The following COBL variants were observed in gnomAD, a reference collection of about 807,000 sequenced individuals.
COBL encodes the protein cordon-bleu WH2 repeat protein.
A neutral mutation model predicts 98.8 loss-of-function variants in COBL; 51 were observed. The ratio of observed to expected loss-of-function variants is 0.52; its 90% CI spans 0.41 to 0.65. COBL has a LOEUF of 0.65. Ranked by LOEUF, COBL falls within the 30% of genes least tolerant of loss-of-function variation. COBL has a pLI of 0.00. For missense variants in COBL, 1,617 were observed against 1,617.5 expected, an observed-to-expected ratio of 1.00 and a Z score of 0.01; for synonymous variants, 634 against 651.7, an observed-to-expected ratio of 0.97 and a Z score of 0.41.
At chr7:51,246,764 C>T (rs1234120956) in intron 1 of COBL, among the ~76,000 whole-genome samples, 2 of 152,226 alleles carry the variant, frequency 1.3e-5, no homozygotes, top group Non-Finnish European at 2.9e-5. Flanking sequence ...GTCATACTTG[C>T]AGACTTCTTC....
chr7:51,215,503 A>T (rs1792945890), intron 2 of COBL, among the ~76,000 whole-genome samples: 1 of 152,212 alleles, frequency 6.6e-6, no homozygotes, highest in Admixed American at 6.5e-5. Flanking sequence ...ATACCCACTG[A>T]ACATACCAAG....
At chr7:51,132,692 A>G (rs554570214) in intron 6 of COBL, among the ~76,000 whole-genome samples, 1 of 152,326 alleles carries the variant, frequency 6.6e-6, no homozygotes, top group African/African-American at 2.4e-5. Flanking sequence ...TAATTGGCTC[A>G]TGGTTCCATA....
At chr7:51,246,499 T>C (rs1796278929) in intron 1 of COBL, among the ~76,000 whole-genome samples, 2 of 152,158 alleles carry the variant, frequency 1.3e-5, no homozygotes, top group South Asian at 4.1e-4. Context: ...AGCCCAGCCC[T>C]GACCTTGTCC....
chr7:51,047,497 C>T (rs1789830693), intron 7 of COBL, among the ~76,000 whole-genome samples: 2 of 152,298 alleles, frequency 1.3e-5, no homozygotes, highest in South Asian at 4.1e-4. Flanking sequence ...AAGATAATTC[C>T]ATCACTAAAT....
chr7:51,238,020 G>T (rs950090705), intron 1 of COBL, among the ~76,000 whole-genome samples: 1 of 152,184 alleles, frequency 6.6e-6, no homozygotes, highest in Non-Finnish European at 1.5e-5. Flanking sequence ...TACCAAAGGG[G>T]AACGAAGAAG....
At chr7:51,108,958 C>CACACACACACACACACACACACACA (rs1562923478) in intron 6 of COBL, among the ~76,000 whole-genome samples, 44 of 84,028 alleles carry the variant, frequency 5.2e-4, no homozygotes, top group Non-Finnish European at 8.8e-4. Flanking sequence ...ACACACACAC[C>CACACACACACACACACACACACACA]CCCTGCCCCA....
chr7:51,249,790 G>T (rs1049103865), intron 1 of COBL, among the ~76,000 whole-genome samples: 1 of 152,174 alleles, frequency 6.6e-6, no homozygotes, highest in Non-Finnish European at 1.5e-5. Context: ...TGCAGAGCTG[G>T]CTGTGAAAAC....
intron 5 of COBL, among the ~76,000 whole-genome samples, chr7:51,164,217 G>C (rs1481490723): frequency 6.6e-6 from 1 of 151,896 alleles, no homozygotes; most frequent in African/African-American, 2.4e-5. Context: ...GTATTGAAAA[G>C]GATAATATCA....
intron 4 of COBL, among the ~76,000 whole-genome samples, chr7:51,190,364 A>G (rs994235399): frequency 7.9e-5 from 12 of 152,056 alleles, no homozygotes; most frequent in African/African-American, 2.9e-4. Flanking sequence ...ATGGGGATGC[A>G]CCACCACGTC....
At chr7:51,147,638 G>C (rs183700272) in intron 5 of COBL, among the ~76,000 whole-genome samples, 12 of 152,268 alleles carry the variant, frequency 7.9e-5, no homozygotes, top group Non-Finnish European at 1.5e-4. Context: ...CTCCAAATAA[G>C]GAAGAGGAAT....
rs757322624 is a variant in COBL, at chr7:51,085,202, T to C, written c.1060A>G (p.Thr354Ala). 1.2e-6 allele frequency: 2 copies of C among 1,613,686 alleles called. No individual in the cohort carries two copies. The highest frequency in any genetic ancestry group is 4.5e-5 in the East Asian group (2 of 44,852). Residue 354 changes from threonine to alanine, a missense_variant, in exon 7 of 13, where the codon ACT becomes GCT. Physicochemically the swap from Thr to Ala is moderately conservative, Grantham distance 58. Transcript: ENST00000265136. ...PPPSPLIPNR[T>A]EDKEENRKST... ...TTCCTGTTCTCCTCCTTATCCTCAG[T>C]GCGGTTGGGGATCAGGGGACTCGGT...
At chr7:51,306,719 T>A (rs777748777) in intron 1 of COBL, among the ~76,000 whole-genome samples, 8 of 152,124 alleles carry the variant, frequency 5.3e-5, no homozygotes, top group Non-Finnish European at 1.2e-4. Flanking sequence ...AAATCCCACG[T>A]AGGAGTCTCA....
chr7:51,040,327 C>T (rs1053279688), intron 8 of COBL, among the ~76,000 whole-genome samples: 2 of 152,010 alleles, frequency 1.3e-5, no homozygotes, highest in African/African-American at 4.8e-5. Flanking sequence ...TCAATCCCAA[C>T]TCTTTGGCAA....
chr7:51,047,333 A>C (rs1789811950), intron 7 of COBL, among the ~76,000 whole-genome samples: 1 of 152,158 alleles, frequency 6.6e-6, no homozygotes, highest in Admixed American at 6.5e-5. Context: ...ATATAATCCC[A>C]TGGTTCAGAG....
At position 51,026,893 on chromosome 7, in the gene COBL, G is replaced by A. The variant is rs1451455254; in HGVS notation, c.3385-228C>T. On this transcript the variant is annotated intron_variant, in intron 10 of 12. Transcript: ENST00000265136. ...AGCCTGGGCCACAGAGTGAGTCTCC[G>A]TCTCAGGAAAAAAAAAGAAAGAAAA... Among the ~76,000 whole-genome samples, 5 of 152,006 alleles carry A rather than the reference G, an allele frequency of 3.3e-5. 1 individual carries two copies. The highest frequency in any genetic ancestry group is 2.0e-4 in the Admixed American group (3 of 15,278).
At chr7:51,150,823 G>A (rs1470318367) in intron 5 of COBL, among the ~76,000 whole-genome samples, 1 of 152,172 alleles carries the variant, frequency 6.6e-6, no homozygotes, top group African/African-American at 2.4e-5. Context: ...ATCTTGGGGA[G>A]AGTGCTCTAT....
At chr7:51,076,289 GA>G (rs1445380002) in intron 7 of COBL, among the ~76,000 whole-genome samples, 1 of 152,216 alleles carries the variant, frequency 6.6e-6, no homozygotes, top group Non-Finnish European at 1.5e-5. Flanking sequence ...GGCATTAGGG[GA>G]CTCTAATGAG....
intron 8 of COBL, among the ~76,000 whole-genome samples, chr7:51,036,336 CAAAA>C (rs59610375): frequency 1.6e-4 from 15 of 94,198 alleles, no homozygotes; most frequent in African/African-American, 5.7e-4. Flanking sequence ...GACTCCGTCT[CAAAA>C]AAAAAAAAAA....
intron 5 of COBL, among the ~76,000 whole-genome samples, chr7:51,139,679 C>T (rs142435776): frequency 3.0e-4 from 45 of 152,296 alleles, no homozygotes; most frequent in African/African-American, 1.0e-3. Context: ...CCAGCGAATA[C>T]TTGTGCTTCA....
Sources: gnomAD v4.1 joint callset for allele counts (sites outside exome capture counted in the v4.1 genomes callset) on GRCh38, gnomAD v4.1.1 for gene constraint, MANE v1.5 for transcripts, NCBI Gene and HGNC (gene_info 2026-07-23, HGNC 2026-07-21) for gene names.